EIF2AK2: variants seen among roughly 807,000 people sequenced by gnomAD.
EIF2AK2 encodes the protein interferon-induced, double-stranded RNA-activated protein kinase.
EIF2AK2 carries 40 observed loss-of-function variants against 70.5 expected under a neutral mutation model. That is an observed-to-expected ratio of 0.57 (90% CI 0.44 to 0.74). The LOEUF (loss-of-function observed/expected upper bound fraction) is 0.74, where lower values mean the gene tolerates loss of function less well. EIF2AK2 is among the 30% of genes least tolerant of loss of function. The pLI is 0.00. For synonymous variants in EIF2AK2, 198 were observed against 220.9 expected (o/e 0.90, Z 0.92); for missense variants, 555 against 644.3 (o/e 0.86, Z 1.50).
rs140037735 is a variant in EIF2AK2, at chr2:37,113,074, A to G, written c.1377+1657T>C. Among the ~76,000 whole-genome samples the G allele has an allele frequency of 3.8e-4, 58 of 152,382 alleles. No homozygotes were observed. The East Asian group carries it at 0.01, about 27-fold the overall frequency. ...TTAGATTCCTTTCTCATACATAAACAAAAGTTAATTCAAATTGCAGTTAAT... is the reference window on the plus strand; with the variant it reads ...TTAGATTCCTTTCTCATACATAAACGAAAGTTAATTCAAATTGCAGTTAAT... On this transcript the variant is annotated intron_variant, in intron 14 of 16. Coordinates refer to ENST00000233057, the MANE Select transcript of EIF2AK2 (RefSeq NM_001135651.3).
rs1450221474 is a variant in EIF2AK2 at position 37,154,692 on chromosome 2, C to T, written c.-184+2216G>A. 2.0e-5 allele frequency among the ~76,000 whole-genome samples: 3 copies of T among 152,144 alleles called. No homozygotes were observed. In the East Asian group the frequency reaches 5.8e-4, roughly 30 times the overall value. ...TCTCCTGCCTCAGCATTCCGAGTAG[C>T]TGGGATTACAGGCGCCCACCACCAC... is the stretch of plus-strand genomic sequence containing the variant. On this transcript the variant is annotated intron_variant, in intron 1 of 16. Transcript: ENST00000233057.
Position 37,135,626 on chromosome 2 carries a change from TTCTTTC to T in EIF2AK2, c.723-86_723-81del. ...TTATTTAGTGTTAATGTTAACCTTT[TTCTTTC>T]TTTTTTTTTCTTCAGAGGCAAGGTC... On this transcript the variant is annotated intron_variant, in intron 9 of 16. Coordinates refer to ENST00000233057, the MANE Select transcript of EIF2AK2 (RefSeq NM_001135651.3). 4 of 1,360,298 alleles carry T rather than the reference TTCTTTC, an allele frequency of 2.9e-6. No homozygotes were observed. The South Asian group carries it at 5.2e-5, about 18-fold the overall frequency. The allele number at this position is 1,360,298 out of a possible 1,614,324, so 84.3% of individuals were successfully genotyped here.
chr2:37,156,311 G>A (rs1675922225), intron 1 of EIF2AK2, among the ~76,000 whole-genome samples: 1 of 152,148 alleles, frequency 6.6e-6, no homozygotes. Context: ...TGATGAGACA[G>A]GAAAGCTACG....
chr2:37,107,430 A>C, intron 16 of EIF2AK2, 35 bp from the exon 17 acceptor site: 1 of 1,610,198 alleles, frequency 6.2e-7, no homozygotes, highest in Non-Finnish European at 8.5e-7. Flanking sequence ...GTAAGAAATA[A>C]AACATTGAAA....
chr2:37,120,731 G>C (rs1415770521), intron 12 of EIF2AK2, among the ~76,000 whole-genome samples: 1 of 149,570 alleles, frequency 6.7e-6, no homozygotes, highest in Admixed American at 6.8e-5. Context: ...GGGAGGCCGA[G>C]ACTGGCGGAT....
chr2:37,122,785 A>C, intron 11 of EIF2AK2, 121 bp from the exon 12 acceptor site: 8 of 1,303,790 alleles, frequency 6.1e-6, no homozygotes, highest in Non-Finnish European at 8.5e-6. Flanking sequence ...TGTGGTTCTC[A>C]CATAGTTTTA....
chr2:37,145,898 G>C (rs769906481), intron 4 of EIF2AK2, among the ~76,000 whole-genome samples: 11 of 151,090 alleles, frequency 7.3e-5, no homozygotes, highest in African/African-American at 2.7e-4. Context: ...GATTACAGGC[G>C]TCCACCACCA....
At chr2:37,108,078 A>G (rs147402259) in intron 15 of EIF2AK2, among the ~76,000 whole-genome samples, 2,435 of 151,810 alleles carry the variant, frequency 0.016, 41 homozygotes, top group Middle Eastern at 0.14. Flanking sequence ...CCTGGGAGGC[A>G]GAAGTTACAG....
In EIF2AK2 at chr2:37,114,851, A is replaced by G; in HGVS notation, c.1257T>C (p.Asn419=). ...CTTGTTTTGTATCTACTAAGAATAT[A>G]TTACTTGGCTATGAAAAAAAAAAAT... ...KLIHRDLKPS[N]IFLVDTKQVK... Residue 419 remains asparagine, a synonymous_variant, in exon 14 of 17, where the codon AAT becomes AAC. Coordinates refer to ENST00000233057, the MANE Select transcript of EIF2AK2 (RefSeq NM_001135651.3). The G allele has an allele frequency of 6.4e-7, 1 of 1,565,036 alleles. No individual in the cohort carries two copies. Among genetic ancestry groups the G allele is most frequent in the Non-Finnish European group, 8.6e-7 (1 of 1,159,474 alleles).
chr2:37,131,822 G>C (rs893365576), intron 10 of EIF2AK2, among the ~76,000 whole-genome samples: 2 of 152,066 alleles, frequency 1.3e-5, no homozygotes, highest in Admixed American at 1.3e-4. Flanking sequence ...CTGCCCCCTT[G>C]CCTTTGGGCA....
In EIF2AK2 at chr2:37,148,942, G is replaced by C; in HGVS notation, c.-102C>G. The C allele has an allele frequency of 3.7e-6, 3 of 821,126 alleles. No homozygotes were observed. Among genetic ancestry groups the C allele is most frequent in the Non-Finnish European group, 6.6e-6 (3 of 455,614 alleles). The allele number at this position is 821,126 out of a possible 1,614,324, so 50.9% of individuals were successfully genotyped here. ...TGAAGACCGCCAGAGAAGCAAACCT[G>C]AGTCAGATGGAAGAACTGCTAAAGT... On this transcript the variant is annotated 5_prime_UTR_variant, in exon 2 of 17. Transcript: ENST00000233057.
At chr2:37,108,395 C>G (rs4648245) in intron 15 of EIF2AK2, among the ~76,000 whole-genome samples, 2 of 152,124 alleles carry the variant, frequency 1.3e-5, no homozygotes, top group Non-Finnish European at 2.9e-5. Flanking sequence ...CTATTAGAAG[C>G]CAACAGATCC....
chr2:37,126,767 G>A (rs1036416201), intron 10 of EIF2AK2, among the ~76,000 whole-genome samples: 9 of 151,976 alleles, frequency 5.9e-5, no homozygotes, highest in South Asian at 2.1e-4. Flanking sequence ...GACCAGCCTG[G>A]CCAACATGGT....
intron 11 of EIF2AK2, among the ~76,000 whole-genome samples, chr2:37,123,571 G>A (rs115863525): frequency 0.011 from 1,661 of 152,146 alleles, 27 homozygotes; most frequent in African/African-American, 0.036. Flanking sequence ...CCCAGCCAGT[G>A]CAATTTTTCA....
chr2:37,116,142 G>T (rs1674333614), intron 13 of EIF2AK2, among the ~76,000 whole-genome samples: 2 of 152,054 alleles, frequency 1.3e-5, no homozygotes, highest in Admixed American at 1.3e-4. Flanking sequence ...CAAGCAATCT[G>T]CTCACCTCAG....
intron 1 of EIF2AK2, among the ~76,000 whole-genome samples, chr2:37,153,238 ACCACAT>A (rs1054675818): frequency 6.6e-6 from 1 of 151,708 alleles, no homozygotes; most frequent in Non-Finnish European, 1.5e-5. Flanking sequence ...TGTAGCCGCC[ACCACAT>A]CCACATCCAC....
chr2:37,121,457 G>A (rs530263521), intron 12 of EIF2AK2, among the ~76,000 whole-genome samples: 1 of 151,914 alleles, frequency 6.6e-6, no homozygotes, highest in African/African-American at 2.4e-5. Context: ...AGCATGAAAG[G>A]CACCTAGAGA....
At position 37,113,411 on chromosome 2, in the gene EIF2AK2, C is replaced by G. The variant is rs544643022; in HGVS notation, c.1377+1320G>C. Among the ~76,000 whole-genome samples, 6 of 146,018 alleles carry G rather than the reference C, an allele frequency of 4.1e-5. No homozygotes were observed. In the East Asian group the frequency reaches 8.2e-4, roughly 20 times the overall value. ...TTGGGAGACTGAGGCAGGAGAATTG[C>G]TTGAACCCGGGAGGCAGAGGTTGTT... On this transcript the variant is annotated intron_variant, in intron 14 of 16. Coordinates refer to ENST00000233057, the MANE Select transcript of EIF2AK2 (RefSeq NM_001135651.3).
intron 4 of EIF2AK2, among the ~76,000 whole-genome samples, chr2:37,143,463 C>T (rs981382863): frequency 1.3e-5 from 2 of 152,086 alleles, no homozygotes; most frequent in East Asian, 1.9e-4. Context: ...GCTATATCCA[C>T]GGGTTTCAAA....
Sources: allele counts gnomAD v4.1 joint callset (sites outside exome capture counted in the v4.1 genomes callset), GRCh38; gene constraint gnomAD v4.1.1; transcripts MANE v1.5; gene names NCBI Gene and HGNC (gene_info 2026-07-23, HGNC 2026-07-21).